The following CD8B variants were observed in gnomAD, a reference collection of about 807,000 sequenced individuals.
The protein encoded by CD8B is CD8 subunit beta, also known as T-cell surface glycoprotein CD8 beta chain.
In CD8B, 6 loss-of-function variants were observed where a neutral mutation model predicts 24.2. The ratio of observed to expected loss-of-function variants is 0.25; its 90% CI spans 0.14 to 0.49. The LOEUF (loss-of-function observed/expected upper bound fraction) is 0.49. Ranked by LOEUF, CD8B falls within the 20% of genes least tolerant of loss-of-function variation. The pLI is 0.98. For synonymous variants in CD8B, 84 were observed against 108.3 expected, an observed-to-expected ratio of 0.78 and a Z score of 1.39; for missense variants, 196 against 271.3, an observed-to-expected ratio of 0.72 and a Z score of 1.95.
chr2:86,844,463 T>C, intron 5 of CD8B: 1 of 174,220 alleles, frequency 5.7e-6, no homozygotes, highest in Non-Finnish European at 1.1e-5. Context: ...ATAGGTGGGA[T>C]GAAATAACGG....
chr2:86,827,977 C>G lies in CD8B; in HGVS notation c.621-12259G>C, dbSNP rs377373690. ...GCTGGGGGATGGGGCAAGGACATCT[C>G]ACCAGGTATCAGTGGGTGGTCTACA... On this transcript the variant is annotated intron_variant, in intron 5 of 5. Transcript: ENST00000331469. Among the ~76,000 whole-genome samples the G allele has an allele frequency of 1.5e-3, 223 of 152,278 alleles. 6 individuals carry two copies. The South Asian group carries it at 0.046, about 32-fold the overall frequency.
intron 5 of CD8B, among the ~76,000 whole-genome samples, chr2:86,832,418 C>A (rs1218962998): frequency 6.6e-6 from 1 of 151,478 alleles, no homozygotes; most frequent in East Asian, 1.9e-4. Flanking sequence ...GCAGAGGCTT[C>A]AGTGAGCCAA....
At chr2:86,826,233 G>A (rs959948257) in intron 5 of CD8B, among the ~76,000 whole-genome samples, 5 of 152,038 alleles carry the variant, frequency 3.3e-5, no homozygotes, top group African/African-American at 4.8e-5. Context: ...GGGGTGAGGA[G>A]CCGTCACCCC....
chr2:86,847,792 C>T (rs1675759758), intron 3 of CD8B, among the ~76,000 whole-genome samples: 1 of 152,172 alleles, frequency 6.6e-6, no homozygotes. Flanking sequence ...TCTCAATCTC[C>T]TGGCCTCAAG....
At chr2:86,821,962 G>A (rs759642231) in intron 5 of CD8B, among the ~76,000 whole-genome samples, 1 of 152,116 alleles carries the variant, frequency 6.6e-6, no homozygotes, top group Non-Finnish European at 1.5e-5. Flanking sequence ...ACTTCTTTCA[G>A]GTTCTGTATT....
At chr2:86,829,249 G>A (rs1184031891) in intron 5 of CD8B, among the ~76,000 whole-genome samples, 5 of 151,844 alleles carry the variant, frequency 3.3e-5, no homozygotes, top group African/African-American at 1.2e-4. Flanking sequence ...TGGGACTACA[G>A]GTGCATGCCA....
In CD8B at chr2:86,858,200, T is replaced by C. The variant is rs1446544258; in HGVS notation, c.260A>G (p.Gln87Arg). 2 of 1,613,910 alleles carry C rather than the reference T, an allele frequency of 1.2e-6. No individual in the cohort carries two copies. Among genetic ancestry groups the C allele is most frequent in the African/African-American group, 2.7e-5 (2 of 74,946 alleles). ...KGTIHGEEVE[Q>R]EKIAVFRDAS... Reference sequence around the variant, plus strand: ...ATCCCGAAACACAGCTATCTTCTCCTGTTCCACCTCTTCACCGTGGATAGT... The same window carrying C: ...ATCCCGAAACACAGCTATCTTCTCCCGTTCCACCTCTTCACCGTGGATAGT... Residue 87 changes from glutamine to arginine, a missense_variant, in exon 2 of 6, where the codon CAG (glutamine) becomes CGG (arginine). Gln to Arg is a conservative substitution (Grantham distance 43, BLOSUM62 1). Coordinates refer to ENST00000390655, the MANE Select transcript of CD8B (RefSeq NM_004931.5).
chr2:86,857,419 A>G (rs984985433), intron 2 of CD8B, among the ~76,000 whole-genome samples: 24 of 152,270 alleles, frequency 1.6e-4, no homozygotes, highest in Non-Finnish European at 1.8e-4. Flanking sequence ...CCCTGTCCCC[A>G]TAAGAAGAAT....
chr2:86,824,463 C>T (rs751245164), intron 5 of CD8B, among the ~76,000 whole-genome samples: 5 of 152,182 alleles, frequency 3.3e-5, no homozygotes, highest in Admixed American at 6.5e-5. Flanking sequence ...CAAGAAGCCA[C>T]GTGCTCCAGG....
At chr2:86,861,785 G>A (rs1184487626) in intron 1 of CD8B, 38 bp downstream of exon 1, 6 of 1,256,108 alleles carry the variant, frequency 4.8e-6, no homozygotes, top group Non-Finnish European at 6.0e-6. Flanking sequence ...GGCCCCGGGA[G>A]CGCAGACCCT....
chr2:86,853,477 C>T (rs1213150208), intron 2 of CD8B, among the ~76,000 whole-genome samples: 1 of 151,916 alleles, frequency 6.6e-6, no homozygotes, highest in East Asian at 1.9e-4. Flanking sequence ...CAAAATTTGT[C>T]TTACATCCAA....
intron 5 of CD8B, chr2:86,844,495 C>G (rs961314436): frequency 4.9e-5 from 24 of 488,642 alleles, no homozygotes; most frequent in African/African-American, 4.9e-4. Context: ...TTGGGATACT[C>G]TGCGGTATTC....
chr2:86,854,055 A>T (rs1676111802), intron 2 of CD8B, among the ~76,000 whole-genome samples: 1 of 152,108 alleles, frequency 6.6e-6, no homozygotes, highest in Non-Finnish European at 1.5e-5. Flanking sequence ...TACACCCCTG[A>T]TTAACCGCTG....
rs10204118 is a variant in CD8B at position 86,838,400 on chromosome 2, G to T, written c.*3907C>A. On this transcript the variant is annotated 3_prime_UTR_variant, in exon 6 of 6. Transcript: ENST00000390655. ...TCAAATCTGCAGAACAATATTAGAA[G>T]ATGTAATTTTCTATATTCTCTATTT... Among the ~76,000 whole-genome samples, 984 of 151,870 alleles carry T rather than the reference G, an allele frequency of 6.5e-3. 10 individuals are homozygous for T. Among genetic ancestry groups the T allele is most frequent in the African/African-American group, 0.023 (943 of 41,398 alleles).
intron 5 of CD8B, among the ~76,000 whole-genome samples, chr2:86,844,198 G>A (rs555514866): frequency 4.7e-4 from 71 of 151,694 alleles, no homozygotes; most frequent in African/African-American, 1.7e-3. Context: ...ACCACTAAAG[G>A]TCCCAGCCCA....
downstream of CD8B, among the ~76,000 whole-genome samples, chr2:86,836,715 A>T (rs1382846833): frequency 6.6e-6 from 1 of 152,172 alleles, no homozygotes; most frequent in African/African-American, 2.4e-5. Flanking sequence ...GCAGTGAGCC[A>T]TGATGGCGCC....
At chr2:86,832,315 C>G (rs1370455895) in intron 5 of CD8B, among the ~76,000 whole-genome samples, 1 of 151,794 alleles carries the variant, frequency 6.6e-6, no homozygotes, top group East Asian at 1.9e-4. Context: ...CTCGTCTCTA[C>G]TAAAAATACA....
chr2:86,821,343 A>G (rs374927556), intron 5 of CD8B, among the ~76,000 whole-genome samples: 2 of 152,244 alleles, frequency 1.3e-5, no homozygotes, highest in East Asian at 3.9e-4. Context: ...GAGCCCTGCT[A>G]AAGGAGTTGC....
At position 86,858,293 on chromosome 2, in the gene CD8B, C is replaced by T; in HGVS notation, c.167G>A (p.Arg56Lys). The T allele has an allele frequency of 6.2e-7, 1 of 1,614,018 alleles. No individual in the cohort carries two copies. The highest frequency in any genetic ancestry group is 8.5e-7 in the Non-Finnish European group (1 of 1,179,870). Residue 56 changes from arginine to lysine, a missense_variant, in exon 2 of 6, where the codon AGA (arginine) becomes AAA (lysine). Coordinates refer to ENST00000390655, the MANE Select transcript of CD8B (RefSeq NM_004931.5). ...SLSNMRIYWL[R>K]QRQAPSSDSH... is the part of the protein sequence containing the mutation. The stretch of plus-strand genomic sequence containing the variant: ...GTCACTGCTCGGTGCCTGGCGCTGT[C>T]TCAGCCAGTAGATGCGCATGTTACT...
Sources: allele counts gnomAD v4.1 joint callset (sites outside exome capture counted in the v4.1 genomes callset), GRCh38; gene constraint gnomAD v4.1.1; transcripts MANE v1.5; gene names NCBI Gene and HGNC (gene_info 2026-07-23, HGNC 2026-07-21).